Variants in ANXA8 observed in about 807,000 individuals in gnomAD.
The protein encoded by ANXA8 is annexin A8.
A neutral mutation model predicts 26.8 loss-of-function variants in ANXA8; 9 were observed. The ratio of observed to expected loss-of-function variants is 0.34; its 90% CI spans 0.20 to 0.59. ANXA8 has a LOEUF of 0.59. ANXA8 is among the 20% of genes least tolerant of loss of function. ANXA8 has a pLI of 0.84. For missense variants in ANXA8, 83 were observed against 238.5 expected (o/e 0.35, Z 4.29); for synonymous variants, 39 against 94.8 (o/e 0.41, Z 3.42).
At chr10:47,605,908 A>C in the ANXA8 span, among the ~76,000 whole-genome samples, 1 of 131,802 alleles carries the variant, frequency 7.6e-6, no homozygotes, top group Non-Finnish European at 1.6e-5. Context: ...AAAACTGAAC[A>C]AAAATGACTT....
chr10:47,702,920 C>T, the ANXA8 span, among the ~76,000 whole-genome samples: 1 of 149,758 alleles, frequency 6.7e-6, no homozygotes, highest in Non-Finnish European at 1.5e-5. Flanking sequence ...AGGTGTGAGC[C>T]ATTGTGCCTG....
At chr10:47,940,094 AC>A in the ANXA8 span, among the ~76,000 whole-genome samples, 1 of 151,216 alleles carries the variant, frequency 6.6e-6, no homozygotes, top group Non-Finnish European at 1.5e-5. Context: ...TTCTCTGAAA[AC>A]TTTTCCTGGC....
At chr10:47,946,853 C>T in the ANXA8 span, among the ~76,000 whole-genome samples, 2 of 150,682 alleles carry the variant, frequency 1.3e-5, no homozygotes, top group Non-Finnish European at 3.0e-5. Context: ...CCACCAAGCC[C>T]AGCTAATTTT....
At chr10:47,698,881 A>G in the ANXA8 span, among the ~76,000 whole-genome samples, 2 of 151,784 alleles carry the variant, frequency 1.3e-5, no homozygotes, top group African/African-American at 4.8e-5. Context: ...CAGCATTATA[A>G]TATGATTAAT....
At chr10:47,978,154 G>A in the ANXA8 span, among the ~76,000 whole-genome samples, 22 of 152,162 alleles carry the variant, frequency 1.4e-4, 1 homozygote, top group South Asian at 4.2e-3. Flanking sequence ...AGAAGGCAAT[G>A]GGATAACATA....
the ANXA8 span, chr10:47,710,260 T>C: frequency 4.0e-6 from 6 of 1,514,644 alleles, no homozygotes; most frequent in Non-Finnish European, 4.4e-6. Context: ...CAAGACTTAC[T>C]GGCATATGTG....
chr10:47,684,545 C>T, the ANXA8 span, among the ~76,000 whole-genome samples: 931 of 151,958 alleles, frequency 6.1e-3, 7 homozygotes, highest in Non-Finnish European at 9.0e-3. Flanking sequence ...TTAAATGCAA[C>T]CCAACATGAG....
At chr10:47,540,488 A>G in the ANXA8 span, among the ~76,000 whole-genome samples, 70 of 123,504 alleles carry the variant, frequency 5.7e-4, no homozygotes, top group East Asian at 6.1e-3. Flanking sequence ...TTAGGGTTTT[A>G]TAGATCTTCT....
chr10:47,940,754 G>A, the ANXA8 span, among the ~76,000 whole-genome samples: 3 of 145,764 alleles, frequency 2.1e-5, no homozygotes, highest in Admixed American at 1.4e-4. Context: ...CTTGAATTTG[G>A]AGGGAGGAGG....
At chr10:47,550,167 A>G in the ANXA8 span, among the ~76,000 whole-genome samples, 1 of 151,666 alleles carries the variant, frequency 6.6e-6, no homozygotes, top group Non-Finnish European at 1.5e-5. Context: ...AAAAGCCTCA[A>G]TCCAACTATA....
At chr10:47,975,575 A>T in the ANXA8 span, among the ~76,000 whole-genome samples, 2 of 150,698 alleles carry the variant, frequency 1.3e-5, no homozygotes, top group South Asian at 2.1e-4. Flanking sequence ...TCCGCTTCTG[A>T]CAGAGCATTT....
chr10:47,533,300 G>C, the ANXA8 span, among the ~76,000 whole-genome samples: 2 of 145,240 alleles, frequency 1.4e-5, no homozygotes, highest in East Asian at 4.6e-4. Context: ...GCCTCCCAGG[G>C]GTCCATCACT....
At chr10:47,594,816 G>A in the ANXA8 span, among the ~76,000 whole-genome samples, 1 of 147,668 alleles carries the variant, frequency 6.8e-6, no homozygotes, top group South Asian at 2.1e-4. Context: ...AGAAAAGAAA[G>A]AGTAACCAAC....
At chr10:47,597,133 TAAAC>T in the ANXA8 span, among the ~76,000 whole-genome samples, 1 of 149,176 alleles carries the variant, frequency 6.7e-6, no homozygotes, top group Admixed American at 6.6e-5. Context: ...ATTCACCACA[TAAAC>T]AGAATTTAAA....
At chr10:47,496,201 T>TC in the ANXA8 span, 1 of 152,038 alleles carries the variant, frequency 6.6e-6, no homozygotes, top group Non-Finnish European at 1.5e-5. Flanking sequence ...GGAGCCCCAC[T>TC]CCCTCCACAG....
chr10:47,957,525 T>A, the ANXA8 span, among the ~76,000 whole-genome samples: 2 of 150,010 alleles, frequency 1.3e-5, no homozygotes, highest in Admixed American at 6.6e-5. Context: ...GCTCTGGGAG[T>A]CCTTACAATA....
the ANXA8 span, among the ~76,000 whole-genome samples, chr10:47,975,828 A>T: frequency 4.4e-5 from 6 of 135,626 alleles, no homozygotes; most frequent in South Asian, 2.7e-4. Context: ...AGTGATACTC[A>T]GGCAGTCTTC....
the ANXA8 span, among the ~76,000 whole-genome samples, chr10:47,687,640 C>A: frequency 6.6e-6 from 1 of 151,850 alleles, no homozygotes; most frequent in African/African-American, 2.4e-5. Flanking sequence ...AACTTGAAGG[C>A]TTTTGCTGTG....
At chr10:47,483,009 G>T (rs1395635223) in intron 1 of ANXA8, among the ~76,000 whole-genome samples, 1 of 147,482 alleles carries the variant, frequency 6.8e-6, no homozygotes, top group African/African-American at 2.5e-5. Flanking sequence ...TCCTGAGGCT[G>T]CCTGGGAGGA....
Sources: allele counts gnomAD v4.1 joint callset (sites outside exome capture counted in the v4.1 genomes callset), GRCh38; gene constraint gnomAD v4.1.1; transcripts MANE v1.5; gene names NCBI Gene and HGNC (gene_info 2026-07-23, HGNC 2026-07-21).